METTL24: variants seen among roughly 807,000 people sequenced by gnomAD.
METTL24 encodes the protein probable methyltransferase-like protein 24.
METTL24 carries 29 observed loss-of-function variants against 32.7 expected under a neutral mutation model. The ratio of observed to expected loss-of-function variants is 0.89; its 90% CI spans 0.66 to 1.21. The LOEUF (loss-of-function observed/expected upper bound fraction) is 1.21, where lower values mean the gene tolerates loss of function less well. Ranked by LOEUF, METTL24 falls within the 50% of genes most tolerant of loss-of-function variation. METTL24 has a pLI of 0.00. For missense variants in METTL24, 439 were observed against 468.1 expected, an observed-to-expected ratio of 0.94 and a Z score of 0.57; for synonymous variants, 163 against 179.5, an observed-to-expected ratio of 0.91 and a Z score of 0.73.
chr6:110,323,034 G>C (rs1771957328), intron 1 of METTL24, among the ~76,000 whole-genome samples, 162 bp from the exon 2 acceptor site: 1 of 152,180 alleles, frequency 6.6e-6, no homozygotes, highest in South Asian at 2.1e-4. Context: ...CTGTCATTAA[G>C]GCCACATCAG....
At chr6:110,272,952 GA>G (rs1770983608) in intron 4 of METTL24, among the ~76,000 whole-genome samples, 1 of 151,950 alleles carries the variant, frequency 6.6e-6, no homozygotes, top group Non-Finnish European at 1.5e-5. Context: ...TTGCTGTGCA[GA>G]AGGGTTTTAG....
chr6:110,331,021 A>C (rs1223377755), intron 1 of METTL24, among the ~76,000 whole-genome samples: 3 of 152,236 alleles, frequency 2.0e-5, no homozygotes, highest in Admixed American at 6.5e-5. Context: ...CATGAAGTAA[A>C]GGTGGACATG....
chr6:110,328,775 A>C (rs562237245), intron 1 of METTL24, among the ~76,000 whole-genome samples: 1 of 152,358 alleles, frequency 6.6e-6, no homozygotes, highest in South Asian at 2.1e-4. Context: ...GCATTTAAAA[A>C]ATTTACAGGA....
intron 3 of METTL24, among the ~76,000 whole-genome samples, chr6:110,311,244 T>C (rs1287986500): frequency 6.6e-6 from 1 of 152,104 alleles, no homozygotes; most frequent in Non-Finnish European, 1.5e-5. Flanking sequence ...GGGGCATACT[T>C]GTCTGGGTCC....
chr6:110,251,175 A>G (rs1407202864), intron 4 of METTL24, among the ~76,000 whole-genome samples: 1 of 152,188 alleles, frequency 6.6e-6, no homozygotes, highest in Non-Finnish European at 1.5e-5. Flanking sequence ...AGTGGCATAC[A>G]CAGAAAGGGG....
rs1253229265 is a variant in METTL24 at position 110,336,608 on chromosome 6, C to T, written c.319-13736G>A. On this transcript the variant is annotated intron_variant, in intron 1 of 4. Coordinates refer to ENST00000338882, the MANE Select transcript of METTL24 (RefSeq NM_001123364.3). ...ACAAAAAATTAGGCAGGCATGGTGG[C>T]GGGCGCCTGTAGCCCCAGCTACTTG... Among the ~76,000 whole-genome samples, 8 of 151,938 alleles carry T rather than the reference C, an allele frequency of 5.3e-5. No homozygotes were observed. The East Asian group carries it at 9.7e-4, about 18-fold the overall frequency.
intron 3 of METTL24, among the ~76,000 whole-genome samples, chr6:110,314,526 C>CA (rs1771782956): frequency 6.6e-6 from 1 of 152,054 alleles, no homozygotes; most frequent in Non-Finnish European, 1.5e-5. Context: ...ACAGTTTTGA[C>CA]AAAATGACAT....
At chr6:110,335,522 T>A (rs1772201929) in intron 1 of METTL24, among the ~76,000 whole-genome samples, 1 of 150,910 alleles carries the variant, frequency 6.6e-6, no homozygotes, top group African/African-American at 2.4e-5. Context: ...ACAAACAATT[T>A]CAAGCTTTAA....
At chr6:110,273,754 A>C (rs1470637231) in intron 4 of METTL24, among the ~76,000 whole-genome samples, 1 of 152,362 alleles carries the variant, frequency 6.6e-6, no homozygotes, top group East Asian at 1.9e-4. Context: ...GTGAAAAGGG[A>C]ACACTTTTAC....
chr6:110,314,599 G>A (rs1049276850), intron 3 of METTL24, among the ~76,000 whole-genome samples: 9 of 151,942 alleles, frequency 5.9e-5, no homozygotes, highest in African/African-American at 2.2e-4. Context: ...TTTATCATTG[G>A]TATAAAACAT....
intron 4 of METTL24, among the ~76,000 whole-genome samples, chr6:110,256,981 C>G (rs2114695787): frequency 6.6e-6 from 1 of 152,356 alleles, no homozygotes; most frequent in South Asian, 2.1e-4. Flanking sequence ...GGCACCACAA[C>G]TGCCCTTCAA....
At chr6:110,254,155 A>G (rs1778337558) in intron 4 of METTL24, 1 of 402,388 alleles carries the variant, frequency 2.5e-6, no homozygotes, top group Non-Finnish European at 4.4e-6. Context: ...GTGGCCATAT[A>G]GATATTTTCC....
At position 110,295,794 on chromosome 6, in the gene METTL24, A is replaced by AAAAGAAAGAAAGGAAGGAAGGAAGGAAGG. The variant is rs1771403233; in HGVS notation, c.786+3127_786+3128insCCTTCCTTCCTTCCTTCCTTTCTTTCTTT. Among the ~76,000 whole-genome samples, 27 of 136,318 alleles carry AAAAGAAAGAAAGGAAGGAAGGAAGGAAGG rather than the reference A, an allele frequency of 2.0e-4. 1 individual carries two copies. Among genetic ancestry groups the AAAAGAAAGAAAGGAAGGAAGGAAGGAAGG allele is most frequent in the African/African-American group, 8.1e-4 (27 of 33,276 alleles). The allele number at this position is 136,318 out of a possible 152,430, so 89.4% of individuals were successfully genotyped here. On this transcript the variant is annotated intron_variant, in intron 4 of 4. Transcript: ENST00000338882. ...TCCCCGGGAAAGAAAAGAAAGAAAG[A>AAAAGAAAGAAAGGAAGGAAGGAAGGAAGG]AAGGAAGGAAGGAAGGAAGGAAGGA...
chr6:110,278,975 T>C (rs908556878), intron 4 of METTL24, among the ~76,000 whole-genome samples: 1 of 152,224 alleles, frequency 6.6e-6, no homozygotes, highest in Non-Finnish European at 1.5e-5. Flanking sequence ...TGAGCTGTAA[T>C]TGTGCCTTTG....
intron 3 of METTL24, among the ~76,000 whole-genome samples, chr6:110,310,396 CT>C (rs1250348047): frequency 6.6e-6 from 1 of 152,140 alleles, no homozygotes; most frequent in East Asian, 1.9e-4. Flanking sequence ...TCCCCTTTCA[CT>C]TTATCTACGA....
At chr6:110,334,186 A>G (rs558195949) in intron 1 of METTL24, among the ~76,000 whole-genome samples, 46 of 152,272 alleles carry the variant, frequency 3.0e-4, no homozygotes, top group Non-Finnish European at 6.3e-4. Flanking sequence ...GGGGGCCCAC[A>G]GGGCTCCCCG....
At chr6:110,340,526 A>C (rs75635919) in intron 1 of METTL24, among the ~76,000 whole-genome samples, 9,890 of 152,234 alleles carry the variant, frequency 0.065, 405 homozygotes, top group South Asian at 0.11. Flanking sequence ...AGGTATCTGT[A>C]ATCTGAAAAC....
intron 4 of METTL24, among the ~76,000 whole-genome samples, chr6:110,255,334 G>C (rs1778362157): frequency 2.0e-5 from 3 of 152,096 alleles, no homozygotes; most frequent in Admixed American, 6.5e-5. Flanking sequence ...TGCTGAGCAA[G>C]AATCTCCTGA....
At chr6:110,300,218 T>G (rs1219174402) in intron 3 of METTL24, among the ~76,000 whole-genome samples, 1 of 152,108 alleles carries the variant, frequency 6.6e-6, no homozygotes, top group Non-Finnish European at 1.5e-5. Flanking sequence ...ATCTGTGAGT[T>G]CCACACCCAG....
Sources: allele counts gnomAD v4.1 joint callset (sites outside exome capture counted in the v4.1 genomes callset), GRCh38; gene constraint gnomAD v4.1.1; transcripts MANE v1.5; gene names NCBI Gene and HGNC (gene_info 2026-07-23, HGNC 2026-07-21).